The following ELAVL2 variants were observed in gnomAD, a reference collection of about 807,000 sequenced individuals.
ELAVL2 encodes the protein ELAV-like protein 2.
A neutral mutation model predicts 34.6 loss-of-function variants in ELAVL2; 4 were observed. The ratio of observed to expected loss-of-function variants is 0.12; its 90% CI spans 0.06 to 0.26. ELAVL2 has a LOEUF of 0.26. Ranked by LOEUF, ELAVL2 falls within the 10% of genes least tolerant of loss-of-function variation. The probability of loss-of-function intolerance (pLI) is 1.00; values close to 1 mark genes in which losing one functional copy is unlikely to be tolerated. For synonymous variants in ELAVL2, 193 were observed against 154.8 expected (o/e 1.25, Z -1.83); for missense variants, 432 against 442.8 (o/e 0.98, Z 0.22).
chr9:23,780,818 G>T (rs1197754067), intron 1 of ELAVL2, among the ~76,000 whole-genome samples: 1 of 152,078 alleles, frequency 6.6e-6, no homozygotes, highest in East Asian at 1.9e-4. Flanking sequence ...GCCAAAAAAG[G>T]GCAAGTCACA....
intron 1 of ELAVL2, chr9:23,779,174 T>G (rs2058690800): frequency 1.0e-6 from 1 of 984,000 alleles, no homozygotes; most frequent in Admixed American, 6.1e-5. Flanking sequence ...CCACAAATTG[T>G]ATTTTGGAGG....
chr9:23,790,082 A>T (rs970528224), intron 1 of ELAVL2, among the ~76,000 whole-genome samples: 1 of 151,854 alleles, frequency 6.6e-6, no homozygotes, highest in African/African-American at 2.4e-5. Flanking sequence ...AAAAAAAAAC[A>T]ACCTTTCAAC....
intron 2 of ELAVL2, among the ~76,000 whole-genome samples, chr9:23,740,767 A>G (rs935105260): frequency 1.3e-5 from 2 of 152,232 alleles, no homozygotes; most frequent in African/African-American, 4.8e-5. Context: ...GCATTATAAA[A>G]AGATCCATTT....
chr9:23,772,534 C>CAAAAAAAAAAAAAA, intron 1 of ELAVL2, among the ~76,000 whole-genome samples: 1 of 67,658 alleles, frequency 1.5e-5, no homozygotes, highest in Non-Finnish European at 3.0e-5. Context: ...CAGCTTACAC[C>CAAAAAAAAAAAAAA]AAAAAAAAAA....
At chr9:23,775,662 C>G (rs747439727) in intron 1 of ELAVL2, among the ~76,000 whole-genome samples, 1 of 152,158 alleles carries the variant, frequency 6.6e-6, no homozygotes, top group Admixed American at 6.5e-5. Context: ...AGTAACATCT[C>G]AGCTCCCTAG....
intron 3 of ELAVL2, among the ~76,000 whole-genome samples, chr9:23,728,260 G>A (rs1052726296): frequency 2.0e-5 from 3 of 152,096 alleles, no homozygotes; most frequent in East Asian, 3.9e-4. Flanking sequence ...GAACTCAGCA[G>A]GAGCTGGAAC....
chr9:23,787,262 A>ATT (rs750594918), intron 1 of ELAVL2, among the ~76,000 whole-genome samples: 2 of 141,720 alleles, frequency 1.4e-5, no homozygotes, highest in Non-Finnish European at 3.1e-5. Context: ...TTTCATCCCC[A>ATT]TTTTTTTTTT....
intron 2 of ELAVL2, among the ~76,000 whole-genome samples, chr9:23,748,080 T>G (rs1395264739): frequency 1.3e-5 from 2 of 151,820 alleles, no homozygotes; most frequent in Admixed American, 6.6e-5. Context: ...ACTACAATAA[T>G]TGTTCCAGTG....
chr9:23,789,165 T>A (rs1216939905), intron 1 of ELAVL2, among the ~76,000 whole-genome samples: 1 of 152,114 alleles, frequency 6.6e-6, no homozygotes, highest in Non-Finnish European at 1.5e-5. Context: ...GCCTGCTTAT[T>A]CAGTTCCTAT....
intron 1 of ELAVL2, among the ~76,000 whole-genome samples, chr9:23,813,717 C>T (rs570023813): frequency 6.6e-6 from 1 of 152,196 alleles, no homozygotes; most frequent in Non-Finnish European, 1.5e-5. Context: ...TGTTTTTCAA[C>T]CACGGGTTAA....
intron 2 of ELAVL2, among the ~76,000 whole-genome samples, chr9:23,754,081 G>C (rs1003230922): frequency 2.0e-5 from 3 of 152,064 alleles, no homozygotes; most frequent in Non-Finnish European, 4.4e-5. Context: ...TATTTTCCCA[G>C]TAAACACTCT....
At chr9:23,715,385 T>G (rs1404967841) in intron 3 of ELAVL2, among the ~76,000 whole-genome samples, 1 of 152,018 alleles carries the variant, frequency 6.6e-6, no homozygotes, top group Non-Finnish European at 1.5e-5. Context: ...CCTGACCTCG[T>G]GAGCCGCCCG....
At chr9:23,736,928 T>C (rs1732799773) in intron 2 of ELAVL2, among the ~76,000 whole-genome samples, 1 of 152,194 alleles carries the variant, frequency 6.6e-6, no homozygotes, top group African/African-American at 2.4e-5. Context: ...TTCAGTTCTC[T>C]ATGTCTGGAA....
At chr9:23,723,484 C>T (rs962617402) in intron 3 of ELAVL2, among the ~76,000 whole-genome samples, 3 of 151,752 alleles carry the variant, frequency 2.0e-5, no homozygotes, top group African/African-American at 7.3e-5. Context: ...TTAATGGGTG[C>T]AGCACACCAG....
intron 1 of ELAVL2, among the ~76,000 whole-genome samples, chr9:23,817,557 T>C (rs55900976): frequency 7.6e-4 from 115 of 152,278 alleles, no homozygotes; most frequent in African/African-American, 2.6e-3. Context: ...TCTAGAAACT[T>C]AACATTGATA....
intron 1 of ELAVL2, among the ~76,000 whole-genome samples, chr9:23,817,465 AGTTC>A (rs2063873775): frequency 1.3e-5 from 2 of 152,210 alleles, no homozygotes. Flanking sequence ...ATATCAATTC[AGTTC>A]ACGCATTGAG....
At chr9:23,720,570 G>C (rs2043422569) in intron 3 of ELAVL2, among the ~76,000 whole-genome samples, 1 of 152,170 alleles carries the variant, frequency 6.6e-6, no homozygotes, top group Admixed American at 6.5e-5. Context: ...TAATGTTGAA[G>C]TATTTAATGA....
intron 2 of ELAVL2, among the ~76,000 whole-genome samples, chr9:23,736,686 T>A (rs2047971516): frequency 1.3e-5 from 2 of 152,186 alleles, no homozygotes; most frequent in Admixed American, 1.3e-4. Context: ...GCGTTAGCAT[T>A]GGTTCTCTAT....
chr9:23,783,446 A>T, intron 1 of ELAVL2: 1 of 985,396 alleles, frequency 1.0e-6, no homozygotes, highest in Non-Finnish European at 1.2e-6. Flanking sequence ...AATTCTGCAC[A>T]ACTACAAAGT....
Sources: gnomAD v4.1 joint callset for allele counts (sites outside exome capture counted in the v4.1 genomes callset) on GRCh38, gnomAD v4.1.1 for gene constraint, MANE v1.5 for transcripts, NCBI Gene and HGNC (gene_info 2026-07-23, HGNC 2026-07-21) for gene names.